The following SEPTIN10 variants were observed in gnomAD, a reference collection of about 807,000 sequenced individuals.
SEPTIN10 encodes the protein septin 10.
A neutral mutation model predicts 54.8 loss-of-function variants in SEPTIN10; 66 were observed. That is an observed-to-expected ratio of 1.21 (90% CI 0.99 to 1.48). SEPTIN10 has a LOEUF of 1.48. Among genes scored for constraint, SEPTIN10 ranks in the 40% most tolerant of loss-of-function variants. SEPTIN10 has a pLI of 0.00. For synonymous variants in SEPTIN10, 161 were observed against 181.0 expected, an observed-to-expected ratio of 0.89 and a Z score of 0.89; for missense variants, 620 against 545.6, an observed-to-expected ratio of 1.14 and a Z score of -1.36.
chr2:109,558,124 T>C (rs758925581), intron 8 of SEPTIN10, among the ~76,000 whole-genome samples: 2 of 152,174 alleles, frequency 1.3e-5, no homozygotes, highest in Non-Finnish European at 2.9e-5. Context: ...CATACTACTG[T>C]TGTTGCAAAT....
intron 4 of SEPTIN10, among the ~76,000 whole-genome samples, chr2:109,584,885 C>T (rs1692108525): frequency 6.6e-6 from 1 of 152,012 alleles, no homozygotes; most frequent in Non-Finnish European, 1.5e-5. Flanking sequence ...GCTACTTTTG[C>T]TGAAATGCAC....
At chr2:109,591,435 T>G (rs1376763943) in intron 2 of SEPTIN10, among the ~76,000 whole-genome samples, 1 of 152,160 alleles carries the variant, frequency 6.6e-6, no homozygotes, top group South Asian at 2.1e-4. Context: ...GACTAGTCAC[T>G]AAAGATTACT....
At chr2:109,573,695 A>G (rs1277203241) in intron 5 of SEPTIN10, among the ~76,000 whole-genome samples, 1 of 152,250 alleles carries the variant, frequency 6.6e-6, no homozygotes, top group African/African-American at 2.4e-5. Context: ...CATTTCGCAT[A>G]CCATTTGAGA....
At position 109,601,522 on chromosome 2, in the gene SEPTIN10, C is replaced by T. The variant is rs76625659; in HGVS notation, c.31-8403G>A. Among the ~76,000 whole-genome samples the T allele has an allele frequency of 9.4e-3, 1,432 of 152,274 alleles. 11 individuals carry two copies. The highest frequency in any genetic ancestry group is 0.017 in the Non-Finnish European group (1,130 of 68,014). The stretch of plus-strand genomic sequence containing the variant: ...ATTTTTCAGCTTACTGGCCATTTCT[C>T]CTATATTTCCATAAATCACCAATTC... On this transcript the variant is annotated intron_variant, in intron 1 of 10. Transcript: ENST00000397712.
chr2:109,575,929 T>G (rs1689581997), intron 4 of SEPTIN10, among the ~76,000 whole-genome samples: 1 of 152,210 alleles, frequency 6.6e-6, no homozygotes, highest in African/African-American at 2.4e-5. Flanking sequence ...ATGTGAGGAC[T>G]GAGACAGTAT....
chr2:109,612,780 T>C (rs1699531689), intron 1 of SEPTIN10, among the ~76,000 whole-genome samples: 3 of 152,230 alleles, frequency 2.0e-5, no homozygotes, highest in South Asian at 4.1e-4. Context: ...TTGAGATTTT[T>C]AAAAAATACG....
In SEPTIN10 at chr2:109,580,395, T is replaced by TA. The variant is rs547426427; in HGVS notation, c.413+4730dup. On this transcript the variant is annotated intron_variant, in intron 4 of 10. Coordinates refer to ENST00000397712, the MANE Select transcript of SEPTIN10 (RefSeq NM_144710.5). Reference sequence around the variant, plus strand: ...GTGAAAGCATATATTAATGATTCTTTAAAAAAAGAACTTTTACTAATAATA... The same window carrying TA: ...GTGAAAGCATATATTAATGATTCTTTAAAAAAAAGAACTTTTACTAATAATA... Among the ~76,000 whole-genome samples the TA allele has an allele frequency of 3.4e-3, 505 of 148,532 alleles. 3 individuals are homozygous for TA. The highest frequency in any genetic ancestry group is 0.014 in the Middle Eastern group (4 of 282).
intron 8 of SEPTIN10, among the ~76,000 whole-genome samples, chr2:109,556,623 T>C (rs992418265): frequency 6.6e-6 from 1 of 152,168 alleles, no homozygotes; most frequent in South Asian, 2.1e-4. Flanking sequence ...GGAGGCATTT[T>C]ACTTAGTATC....
intron 1 of SEPTIN10, among the ~76,000 whole-genome samples, chr2:109,602,746 C>A (rs1422485228): frequency 6.7e-6 from 1 of 150,000 alleles, no homozygotes; most frequent in East Asian, 2.0e-4. Flanking sequence ...ATGTTCCATG[C>A]AGGCTAGGTG....
Position 109,567,893 on chromosome 2 carries a change from T to G in SEPTIN10, c.684A>C (p.Glu228Asp). Residue 228 changes from glutamate to aspartate, a missense_variant, in exon 6 of 11, where the codon GAA becomes GAC. By Grantham distance (45) the Glu-to-Asp change is conservative (BLOSUM62 2). Coordinates refer to ENST00000397712, the MANE Select transcript of SEPTIN10 (RefSeq NM_144710.5). Reference protein sequence around the residue: ...LQKFKIKLMSELVSNGVQIYQ... With the variant: ...LQKFKIKLMSDLVSNGVQIYQ... ...ATATCTGGACGCCATTGCTGACCAATTCACTCATGAGCTTGATCTTAAACT... is the reference window on the plus strand; with the variant it reads ...ATATCTGGACGCCATTGCTGACCAAGTCACTCATGAGCTTGATCTTAAACT... 6.2e-7 allele frequency: 1 copy of G among 1,614,020 alleles called. No individual in the cohort carries two copies. The highest frequency in any genetic ancestry group is 8.5e-7 in the Non-Finnish European group (1 of 1,179,940).
Position 109,544,284 on chromosome 2 carries a change from CCTT to C in SEPTIN10, c.*22_*24del, listed in dbSNP as rs749831608. The C allele has an allele frequency of 6.2e-7, 1 of 1,611,178 alleles. No individual in the cohort carries two copies. The highest frequency in any genetic ancestry group is 1.1e-5 in the South Asian group (1 of 90,564). ...TAATAAAGTTTGCTTGTGATGATGA[CCTT>C]CTGTGCTCTGGAACTTCTGTTTTAC... On this transcript the variant is annotated 3_prime_UTR_variant, in exon 11 of 11. Coordinates refer to ENST00000397712, the MANE Select transcript of SEPTIN10 (RefSeq NM_144710.5).
intron 4 of SEPTIN10, among the ~76,000 whole-genome samples, chr2:109,581,598 G>A (rs374699736): frequency 6.6e-6 from 1 of 151,640 alleles, no homozygotes; most frequent in Non-Finnish European, 1.5e-5. Context: ...ACACGGGAAT[G>A]GCTAAAGTGC....
chr2:109,565,775 C>T lies in SEPTIN10; in HGVS notation c.847G>A (p.Gly283Ser). 6.2e-7 allele frequency: 1 copy of T among 1,613,764 alleles called. No homozygotes were observed. Among genetic ancestry groups the T allele is most frequent in the Non-Finnish European group, 8.5e-7 (1 of 1,179,786 alleles). Residue 283 changes from glycine to serine, a missense_variant, in exon 7 of 11, where the codon GGT (glycine) becomes AGT (serine). Coordinates refer to ENST00000397712, the MANE Select transcript of SEPTIN10 (RefSeq NM_144710.5). ...KMVKARQYPW[G>S]VVQVENENHC... ...TTGTCTCATTTACCTTGTACAACAC[C>T]CCAAGGGTACTGGCGAGCTTTGACC...
intron 1 of SEPTIN10, among the ~76,000 whole-genome samples, chr2:109,596,478 G>A (rs1363151072): frequency 2.0e-5 from 3 of 152,062 alleles, no homozygotes; most frequent in South Asian, 2.1e-4. Context: ...TTAGCCGAGC[G>A]TGCTGGCAGG....
chr2:109,580,506 T>C (rs1690861690), intron 4 of SEPTIN10, among the ~76,000 whole-genome samples: 2 of 151,850 alleles, frequency 1.3e-5, no homozygotes, highest in South Asian at 2.1e-4. Context: ...GCATGGTACA[T>C]GGTAAAAAAT....
At position 109,611,479 on chromosome 2, in the gene SEPTIN10, G is replaced by GA. The variant is rs200003636; in HGVS notation, c.30+2318dup. 8.4e-4 allele frequency among the ~76,000 whole-genome samples: 124 copies of GA among 148,268 alleles called. No individual in the cohort carries two copies. In the Middle Eastern group the frequency reaches 0.01, roughly 12 times the overall value. On this transcript the variant is annotated intron_variant, in intron 1 of 10. Coordinates refer to ENST00000397712, the MANE Select transcript of SEPTIN10 (RefSeq NM_144710.5). Reference sequence around the variant, plus strand: ...TACCTAAAAAACTTTAAACCCAACAGAAAAAAAAAATCTAACTAGAAAATA... The same window carrying GA: ...TACCTAAAAAACTTTAAACCCAACAGAAAAAAAAAAATCTAACTAGAAAATA...
rs570849521 is a variant in SEPTIN10 at position 109,596,634 on chromosome 2, G to A, written c.31-3515C>T. ...CATCTCAAAAAAAGAAAAAAAAAAAGAAAAAAATTAGAGGCTTTATACTCA... is the reference window on the plus strand; with the variant it reads ...CATCTCAAAAAAAGAAAAAAAAAAAAAAAAAAATTAGAGGCTTTATACTCA... On this transcript the variant is annotated intron_variant, in intron 1 of 10. Coordinates refer to ENST00000397712, the MANE Select transcript of SEPTIN10 (RefSeq NM_144710.5). 1.2e-3 allele frequency among the ~76,000 whole-genome samples: 186 copies of A among 151,062 alleles called. 2 individuals are homozygous for A. The highest frequency in any genetic ancestry group is 4.3e-3 in the African/African-American group (176 of 41,242).
At chr2:109,590,041 CATATATATGTGTGTGTAT>C (rs1300507347) in intron 2 of SEPTIN10, among the ~76,000 whole-genome samples, 4 of 148,734 alleles carry the variant, frequency 2.7e-5, no homozygotes, top group Non-Finnish European at 5.9e-5. Flanking sequence ...TATATACACA[CATATATATGTGTGTGTAT>C]ATATATACAC....
At position 109,570,156 on chromosome 2, in the gene SEPTIN10, G is replaced by A. The variant is rs146253144; in HGVS notation, c.601-2180C>T. ...TCCTGTCTAGTTTGTACAATAGAAA[G>A]CTAAAGGCAGGATTTTGATAAGGCA... On this transcript the variant is annotated intron_variant, in intron 5 of 10. Coordinates refer to ENST00000397712, the MANE Select transcript of SEPTIN10 (RefSeq NM_144710.5). Among the ~76,000 whole-genome samples, 1,116 of 152,236 alleles carry A rather than the reference G, an allele frequency of 7.3e-3. 14 individuals carry two copies. The highest frequency in any genetic ancestry group is 0.024 in the African/African-American group (983 of 41,542).
Sources: allele counts gnomAD v4.1 joint callset (sites outside exome capture counted in the v4.1 genomes callset), GRCh38; gene constraint gnomAD v4.1.1; transcripts MANE v1.5; gene names NCBI Gene and HGNC (gene_info 2026-07-23, HGNC 2026-07-21).